Variants in ANTXR2 observed in about 807,000 individuals in gnomAD.
The protein encoded by ANTXR2 is anthrax toxin receptor 2.
Under a neutral mutation model 73.7 loss-of-function variants are expected in ANTXR2, and 44 were observed. The ratio of observed to expected loss-of-function variants is 0.60; its 90% confidence interval spans 0.47 to 0.77. ANTXR2 has a LOEUF of 0.77. ANTXR2 is among the 30% of genes least tolerant of loss of function. The pLI is 0.00. For missense variants in ANTXR2, 604 were observed against 592.5 expected (o/e 1.02, Z -0.20); for synonymous variants, 217 against 205.9 (o/e 1.05, Z -0.46).
intron 10 of ANTXR2, among the ~76,000 whole-genome samples, chr4:80,025,714 T>C (rs1444092710): frequency 1.3e-5 from 2 of 152,212 alleles, no homozygotes; most frequent in Non-Finnish European, 2.9e-5. Context: ...AGTTTAAAGG[T>C]ACCACTTCTA....
intron 3 of ANTXR2, among the ~76,000 whole-genome samples, chr4:80,057,161 T>C (rs549139228): frequency 6.6e-6 from 1 of 151,928 alleles, no homozygotes; most frequent in East Asian, 1.9e-4. Flanking sequence ...ATTAGAAAAT[T>C]GTAAATAACA....
chr4:79,912,373 A>G (rs1161536511), intron 16 of ANTXR2, among the ~76,000 whole-genome samples: 1 of 152,010 alleles, frequency 6.6e-6, no homozygotes, highest in Admixed American at 6.6e-5. Context: ...TATAGCATAT[A>G]AGAAGTGCAT....
At chr4:80,041,359 A>G (rs1309504756) in intron 7 of ANTXR2, among the ~76,000 whole-genome samples, 2 of 152,108 alleles carry the variant, frequency 1.3e-5, no homozygotes, top group African/African-American at 4.8e-5. Context: ...AATGCTACCA[A>G]AAACAATCTA....
intron 12 of ANTXR2, among the ~76,000 whole-genome samples, chr4:80,001,416 G>C (rs1469078688): frequency 1.4e-5 from 2 of 146,162 alleles, no homozygotes; most frequent in African/African-American, 5.1e-5. Flanking sequence ...ACTATCACAA[G>C]AACAAAAAAC....
At chr4:79,996,251 A>G (rs1383932615) in intron 12 of ANTXR2, among the ~76,000 whole-genome samples, 1 of 151,840 alleles carries the variant, frequency 6.6e-6, no homozygotes, top group East Asian at 1.9e-4. Context: ...CAGAAGAAAA[A>G]GCCTATGATT....
At chr4:80,008,952 T>C (rs1182934660) in intron 11 of ANTXR2, among the ~76,000 whole-genome samples, 1 of 152,170 alleles carries the variant, frequency 6.6e-6, no homozygotes, top group Non-Finnish European at 1.5e-5. Flanking sequence ...ATTATTTTGG[T>C]TCAAAGCAAA....
At position 80,062,580 on chromosome 4, in the gene ANTXR2, CTT is replaced by C. The variant is rs536879279; in HGVS notation, c.297-6569_297-6568del. 9.9e-4 allele frequency among the ~76,000 whole-genome samples: 151 copies of C among 152,334 alleles called. No homozygotes were observed. In the Middle Eastern group the frequency reaches 0.01, roughly 10 times the overall value. On this transcript the variant is annotated intron_variant, in intron 3 of 16. Coordinates refer to ENST00000403729, the MANE Select transcript of ANTXR2 (RefSeq NM_058172.6). The stretch of plus-strand genomic sequence containing the variant: ...TAGCACAATGTGTGGCCAAAACAGA[CTT>C]TTCAAAACAGGAGTAAATACTTGCC...
intron 16 of ANTXR2, among the ~76,000 whole-genome samples, chr4:79,957,098 G>T (rs1728918546): frequency 6.6e-6 from 1 of 151,990 alleles, no homozygotes; most frequent in South Asian, 2.1e-4. Flanking sequence ...CATAATGAAA[G>T]ACTATCTACA....
intron 3 of ANTXR2, among the ~76,000 whole-genome samples, chr4:80,061,430 C>T (rs1359880821): frequency 6.6e-6 from 1 of 151,994 alleles, no homozygotes; most frequent in Non-Finnish European, 1.5e-5. Flanking sequence ...GTATTTATAT[C>T]ATAAGTAAAT....
intron 16 of ANTXR2, among the ~76,000 whole-genome samples, chr4:79,976,303 C>T (rs1428949669): frequency 1.3e-5 from 2 of 152,168 alleles, no homozygotes; most frequent in Non-Finnish European, 2.9e-5. Context: ...TGTTGACACA[C>T]AGTGAAAACA....
rs1553925226 is a variant in ANTXR2, at chr4:79,915,862, C to CTATATATATATA, written c.1429-8407_1429-8396dup. On this transcript the variant is annotated intron_variant, in intron 16 of 16. Coordinates refer to ENST00000403729, the MANE Select transcript of ANTXR2 (RefSeq NM_058172.6). The stretch of plus-strand genomic sequence containing the variant: ...TCTCTCTCTCTCTCTCTCTCTCTCT[C>CTATATATATATA]TATATATATATATATACATAAAGAA... Among the ~76,000 whole-genome samples, 27 of 123,858 alleles carry CTATATATATATA rather than the reference C, an allele frequency of 2.2e-4. No individual in the cohort carries two copies. The East Asian group carries it at 2.3e-3, about 10-fold the overall frequency. The allele number at this position is 123,858 out of a possible 152,430, so 81.3% of individuals were successfully genotyped here. A position where few individuals can be genotyped will look rare whatever the true frequency, so the allele number is the denominator to read the frequency against.
Position 80,018,886 on chromosome 4 carries a change from AC to A in ANTXR2, c.945+11del. On this transcript the variant is annotated intron_variant, in intron 11 of 16. Transcript: ENST00000403729. ...CTTTTAAAAGATAATCTTTGTGCAA[AC>A]TTTTACTTACACATTCTGTGGCTGT... 6.7e-7 allele frequency: 1 copy of A among 1,503,424 alleles called. No individual in the cohort carries two copies. Among genetic ancestry groups the A allele is most frequent in the Admixed American group, 2.4e-5 (1 of 42,314 alleles). The allele number at this position is 1,503,424 out of a possible 1,614,324, so 93.1% of individuals were successfully genotyped here. A position where few individuals can be genotyped will look rare whatever the true frequency, so the allele number is the denominator to read the frequency against.
rs761810056 is a variant in ANTXR2 at position 80,072,541 on chromosome 4, G to A, written c.20C>T (p.Pro7Leu). 4 of 1,581,822 alleles carry A rather than the reference G, an allele frequency of 2.5e-6. No homozygotes were observed. The South Asian group carries it at 3.4e-5, about 14-fold the overall frequency. The change falls in exon 1 of 17, where the codon CCG (proline) becomes CTG (leucine). Residue 7 changes from proline to leucine, a missense_variant. Physicochemically the swap from Pro to Leu is moderately conservative, Grantham distance 98. Coordinates refer to ENST00000403729, the MANE Select transcript of ANTXR2 (RefSeq NM_058172.6). Reference protein sequence around the residue: MVAERSPARSPGSWLFP... With the variant: MVAERSLARSPGSWLFP... ...CAGCCAGCTCCCGGGGCTGCGGGCC[G>A]GGGACCGCTCCGCCACCATCCTGCG...
intron 16 of ANTXR2, among the ~76,000 whole-genome samples, chr4:79,913,631 T>G (rs1053159396): frequency 6.6e-6 from 1 of 152,192 alleles, no homozygotes; most frequent in Non-Finnish European, 1.5e-5. Context: ...GGTATTTACC[T>G]GTAATAATGT....
intron 16 of ANTXR2, among the ~76,000 whole-genome samples, chr4:79,956,492 C>T (rs1728890373): frequency 6.6e-6 from 1 of 152,016 alleles, no homozygotes. Context: ...CGGCAATGTA[C>T]CCTTGGGAAA....
chr4:80,034,301 T>G, intron 8 of ANTXR2, among the ~76,000 whole-genome samples: 1 of 152,174 alleles, frequency 6.6e-6, no homozygotes, highest in Non-Finnish European at 1.5e-5. Flanking sequence ...TGTTTACTGC[T>G]AAGCTGCAAG....
intron 16 of ANTXR2, among the ~76,000 whole-genome samples, chr4:79,924,935 G>A (rs1727723607): frequency 6.6e-6 from 1 of 152,086 alleles, no homozygotes; most frequent in Non-Finnish European, 1.5e-5. Flanking sequence ...TATCATTACA[G>A]ATAGAAAAGC....
chr4:79,907,439 G>A lies in ANTXR2; in HGVS notation c.1457C>T (p.Pro486Leu). 1 of 1,612,612 alleles carries A rather than the reference G, an allele frequency of 6.2e-7. No individual in the cohort carries two copies. The highest frequency in any genetic ancestry group is 1.1e-5 in the South Asian group (1 of 90,906). ...CTTCCTGCTTCCCTTTTACTGAGAT[G>A]GAACTCGGGAGAAGTTTATGCACCG... ...EGRCINFSRV[P>L]SQ The change falls in exon 17 of 17, where the codon CCA becomes CTA. Residue 486 changes from proline (P) to leucine (L), a missense_variant. Transcript: ENST00000403729.
chr4:79,937,848 G>A (rs1728338265), intron 16 of ANTXR2, among the ~76,000 whole-genome samples: 1 of 146,486 alleles, frequency 6.8e-6, no homozygotes, highest in South Asian at 2.3e-4. Context: ...CCAGACAGTG[G>A]GCGCAGGCCA....
Sources: allele counts gnomAD v4.1 joint callset (sites outside exome capture counted in the v4.1 genomes callset), GRCh38; gene constraint gnomAD v4.1.1; transcripts MANE v1.5; gene names NCBI Gene and HGNC (gene_info 2026-07-23, HGNC 2026-07-21).